The following SORCS2 variants were observed in gnomAD, a reference collection of about 807,000 sequenced individuals.
SORCS2 encodes the protein VPS10 domain-containing receptor SorCS2.
Under a neutral mutation model 141.6 loss-of-function variants are expected in SORCS2, and 100 were observed. That is an observed-to-expected ratio of 0.71 (90% CI 0.60 to 0.83). The LOEUF is 0.83. SORCS2 is among the 40% of genes least tolerant of loss of function. The pLI is 0.00. For synonymous variants in SORCS2, 789 were observed against 676.9 expected, an observed-to-expected ratio of 1.17 and a Z score of -2.57; for missense variants, 1,646 against 1,560.2, an observed-to-expected ratio of 1.05 and a Z score of -0.93.
At chr4:7,430,396 A>G (rs531751147) in intron 2 of SORCS2, 2 of 152,312 alleles carry the variant, frequency 1.3e-5, no homozygotes, top group East Asian at 3.9e-4. Context: ...ACAAAACAAA[A>G]ACAACAACAA....
chr4:7,437,931 T>G (rs941265803), intron 2 of SORCS2, among the ~76,000 whole-genome samples: 1 of 152,208 alleles, frequency 6.6e-6, no homozygotes, highest in Non-Finnish European at 1.5e-5. Flanking sequence ...GCACGTAATT[T>G]TTTTATAACC....
intron 1 of SORCS2, among the ~76,000 whole-genome samples, chr4:7,248,362 C>T (rs965859056): frequency 3.9e-5 from 6 of 152,194 alleles, no homozygotes; most frequent in Non-Finnish European, 7.4e-5. Context: ...TGGATTCAGA[C>T]ATTATAATCA....
chr4:7,321,405 A>T (rs188264516), intron 1 of SORCS2, among the ~76,000 whole-genome samples: 72 of 152,326 alleles, frequency 4.7e-4, no homozygotes, highest in African/African-American at 1.6e-3. Flanking sequence ...CCTAGATTTG[A>T]TAAATGAATT....
At chr4:7,613,126 G>A (rs574622730) in intron 3 of SORCS2, among the ~76,000 whole-genome samples, 2 of 152,364 alleles carry the variant, frequency 1.3e-5, no homozygotes, top group African/African-American at 4.8e-5. Flanking sequence ...CTCTGAAGGA[G>A]GTGTCAGCCT....
At chr4:7,364,212 A>G (rs1236592397) in intron 1 of SORCS2, among the ~76,000 whole-genome samples, 1 of 152,244 alleles carries the variant, frequency 6.6e-6, no homozygotes, top group Non-Finnish European at 1.5e-5. Flanking sequence ...ATCCAGGTCC[A>G]GCCCAGGTCT....
chr4:7,634,710 A>G (rs1425829160), intron 3 of SORCS2, among the ~76,000 whole-genome samples: 2 of 152,150 alleles, frequency 1.3e-5, no homozygotes, highest in Non-Finnish European at 2.9e-5. Flanking sequence ...TCCTTCCAAG[A>G]GGACAGTGTG....
chr4:7,386,617 C>T (rs1262233114), intron 1 of SORCS2, among the ~76,000 whole-genome samples: 2 of 149,800 alleles, frequency 1.3e-5, no homozygotes, highest in African/African-American at 5.0e-5. Flanking sequence ...CATATGCCCA[C>T]CATACACATG....
intron 2 of SORCS2, among the ~76,000 whole-genome samples, chr4:7,481,282 C>T (rs1284805988): frequency 6.6e-6 from 1 of 152,270 alleles, no homozygotes; most frequent in Non-Finnish European, 1.5e-5. Flanking sequence ...ATTGTGCTCA[C>T]CACACAGGGG....
chr4:7,308,242 G>A (rs1717961012), intron 1 of SORCS2, among the ~76,000 whole-genome samples: 1 of 152,270 alleles, frequency 6.6e-6, no homozygotes, highest in East Asian at 1.9e-4. Flanking sequence ...CAGGATGGAG[G>A]TCAGTGCCCG....
At chr4:7,688,246 C>T (rs979701463) in intron 10 of SORCS2, among the ~76,000 whole-genome samples, 1 of 152,010 alleles carries the variant, frequency 6.6e-6, no homozygotes, top group Non-Finnish European at 1.5e-5. Flanking sequence ...CTGGAATGAC[C>T]CCTGCAGAGC....
In SORCS2 at chr4:7,726,911, C is replaced by A. The variant is rs1432114722; in HGVS notation, c.2869+8C>A. On this transcript the variant is annotated splice_region_variant and intron_variant, in intron 21 of 26. Coordinates refer to ENST00000507866, the MANE Select transcript of SORCS2 (RefSeq NM_020777.3). ...GGGTCCTCCGTGTGCTGGGTAAGTACTTCCTGGGGTCTGGCAGCACGGCCT... is the reference window on the plus strand; with the variant it reads ...GGGTCCTCCGTGTGCTGGGTAAGTAATTCCTGGGGTCTGGCAGCACGGCCT... The A allele has an allele frequency of 6.2e-7, 1 of 1,610,394 alleles. No individual in the cohort carries two copies. The highest frequency in any genetic ancestry group is 1.1e-5 in the South Asian group (1 of 90,864).
intron 2 of SORCS2, among the ~76,000 whole-genome samples, chr4:7,519,933 C>T (rs1733219191): frequency 6.6e-6 from 1 of 152,216 alleles, no homozygotes; most frequent in South Asian, 2.1e-4. Flanking sequence ...GAGCATCAGT[C>T]ACTTGTAAAG....
At chr4:7,425,811 G>C (rs539090162) in intron 2 of SORCS2, among the ~76,000 whole-genome samples, 1 of 152,224 alleles carries the variant, frequency 6.6e-6, no homozygotes, top group East Asian at 1.9e-4. Flanking sequence ...AGGAAGGGGC[G>C]GCAGCAGGCA....
chr4:7,412,516 G>T (rs994016518), intron 2 of SORCS2, among the ~76,000 whole-genome samples: 1 of 152,174 alleles, frequency 6.6e-6, no homozygotes, highest in African/African-American at 2.4e-5. Flanking sequence ...CGTCTCAGAT[G>T]CTTTTTTAAG....
At chr4:7,720,294 C>G (rs982458659) in intron 18 of SORCS2, among the ~76,000 whole-genome samples, 1 of 152,180 alleles carries the variant, frequency 6.6e-6, no homozygotes, top group East Asian at 1.9e-4. Context: ...CAAAACAACT[C>G]ACTGAGGGGA....
At chr4:7,497,936 G>A (rs4234820) in intron 2 of SORCS2, among the ~76,000 whole-genome samples, 2 of 152,370 alleles carry the variant, frequency 1.3e-5, no homozygotes, top group East Asian at 3.9e-4. Flanking sequence ...TTCACTGAAG[G>A]GGGTGAAGAA....
intron 2 of SORCS2, chr4:7,432,406 G>C (rs944838296): frequency 6.6e-6 from 1 of 152,122 alleles, no homozygotes; most frequent in African/African-American, 2.4e-5. Flanking sequence ...TCTGTGAATT[G>C]TCTCAACATT....
At chr4:7,444,048 G>T (rs552101767) in intron 2 of SORCS2, among the ~76,000 whole-genome samples, 1 of 152,232 alleles carries the variant, frequency 6.6e-6, no homozygotes, top group African/African-American at 2.4e-5. Flanking sequence ...GTTGAGGGCT[G>T]GTGAAATAGG....
At chr4:7,560,002 C>T (rs569341571) in intron 3 of SORCS2, among the ~76,000 whole-genome samples, 2 of 152,292 alleles carry the variant, frequency 1.3e-5, no homozygotes, top group Admixed American at 6.5e-5. Flanking sequence ...AGATGTGTGC[C>T]GGTGGCCACC....
Sources: gnomAD v4.1 joint callset for allele counts (sites outside exome capture counted in the v4.1 genomes callset) on GRCh38, gnomAD v4.1.1 for gene constraint, MANE v1.5 for transcripts, NCBI Gene and HGNC (gene_info 2026-07-23, HGNC 2026-07-21) for gene names.